EML4: variants seen among roughly 807,000 people sequenced by gnomAD.
The protein encoded by EML4 is echinoderm microtubule-associated protein-like 4.
EML4 carries 72 observed loss-of-function variants against 129.0 expected under a neutral mutation model. The observed-to-expected ratio is 0.56, with a 90% CI of 0.46 to 0.68. EML4 has a LOEUF of 0.68. Ranked by LOEUF, EML4 falls within the 30% of genes least tolerant of loss-of-function variation. EML4 has a pLI of 0.00. For synonymous variants in EML4, 532 were observed against 405.0 expected, an observed-to-expected ratio of 1.31 and a Z score of -3.77; for missense variants, 1,363 against 1,190.6, an observed-to-expected ratio of 1.14 and a Z score of -2.13.
intron 17 of EML4, among the ~76,000 whole-genome samples, chr2:42,310,842 G>A (rs1668899740): frequency 6.6e-6 from 1 of 152,150 alleles, no homozygotes; most frequent in African/African-American, 2.4e-5. Context: ...AGGATTTGTT[G>A]TTAGAGATAG....
At chr2:42,272,089 A>C (rs1054767801) in intron 6 of EML4, among the ~76,000 whole-genome samples, 40 of 152,186 alleles carry the variant, frequency 2.6e-4, no homozygotes, top group African/African-American at 9.4e-4. Flanking sequence ...AAAAAAAAAA[A>C]AAAAAAACCC....
intron 3 of EML4, among the ~76,000 whole-genome samples, chr2:42,257,458 A>G (rs1285862623): frequency 1.3e-5 from 2 of 151,224 alleles, no homozygotes; most frequent in East Asian, 1.9e-4. Flanking sequence ...CGAATTATTC[A>G]TTGGTGTGGA....
At chr2:42,191,601 G>A (rs1671584019) in intron 1 of EML4, among the ~76,000 whole-genome samples, 1 of 152,124 alleles carries the variant, frequency 6.6e-6, no homozygotes, top group Non-Finnish European at 1.5e-5. Flanking sequence ...GGCCACCTGG[G>A]GGAATTATGA....
intron 1 of EML4, among the ~76,000 whole-genome samples, chr2:42,227,503 C>T (rs1674047086): frequency 6.8e-6 from 1 of 147,160 alleles, no homozygotes; most frequent in Non-Finnish European, 1.5e-5. Context: ...AACCACCCCT[C>T]TTCCACAAAG....
At chr2:42,228,765 T>TTTTA (rs1463663606) in intron 1 of EML4, among the ~76,000 whole-genome samples, 1 of 152,200 alleles carries the variant, frequency 6.6e-6, no homozygotes, top group African/African-American at 2.4e-5. Flanking sequence ...TTGTACTTTA[T>TTTTA]TTTATTTATT....
At chr2:42,259,083 C>T (rs1665542600) in intron 3 of EML4, among the ~76,000 whole-genome samples, 1 of 152,012 alleles carries the variant, frequency 6.6e-6, no homozygotes, top group South Asian at 2.1e-4. Context: ...CCCATCTCTG[C>T]TAAAAATGTA....
Position 42,330,043 on chromosome 2 carries a change from G to A in EML4, c.2782G>A (p.Glu928Lys). 2 of 1,613,492 alleles carry A rather than the reference G, an allele frequency of 1.2e-6. No individual in the cohort carries two copies. The highest frequency in any genetic ancestry group is 8.5e-7 in the Non-Finnish European group (1 of 1,179,942). Residue 928 changes from glutamate (E) to lysine (K), a missense_variant, in exon 23 of 23, where the codon GAA (glutamate) becomes AAA (lysine). By Grantham distance (56) the Glu-to-Lys change is moderately conservative. Transcript: ENST00000318522. The part of the protein sequence containing the change: ...SSPTLLENSL[E>K]QTVEPSEDHS... ...TCCCACACTTCTGGAGAACAGCCTG[G>A]AACAAACTGTGGAGCCAAGTGAAGA... is the stretch of plus-strand genomic sequence containing the variant.
intron 3 of EML4, among the ~76,000 whole-genome samples, chr2:42,257,400 C>G (rs1676222601): frequency 1.3e-5 from 2 of 152,150 alleles, no homozygotes; most frequent in African/African-American, 2.4e-5. Flanking sequence ...TCATGTGTAA[C>G]AATGTACTGA....
intron 17 of EML4, among the ~76,000 whole-genome samples, chr2:42,307,898 C>T (rs1451258755): frequency 6.6e-6 from 1 of 152,198 alleles, no homozygotes; most frequent in African/African-American, 2.4e-5. Flanking sequence ...CAAGTGATCA[C>T]CTTGCCTGGG....
At chr2:42,174,413 C>T (rs1215614617) in intron 1 of EML4, among the ~76,000 whole-genome samples, 1 of 152,048 alleles carries the variant, frequency 6.6e-6, no homozygotes, top group Non-Finnish European at 1.5e-5. Context: ...GCCTCAGCCT[C>T]CTGAGTAGCT....
intron 19 of EML4, among the ~76,000 whole-genome samples, chr2:42,318,742 T>G (rs1669372081): frequency 6.6e-6 from 1 of 152,110 alleles, no homozygotes; most frequent in Non-Finnish European, 1.5e-5. Flanking sequence ...TGTTTTCACT[T>G]TTGAGACAGG....
chr2:42,310,189 G>GTA (rs1668854489), intron 17 of EML4, among the ~76,000 whole-genome samples: 2 of 152,130 alleles, frequency 1.3e-5, no homozygotes, highest in African/African-American at 2.4e-5. Flanking sequence ...CCATAAATAT[G>GTA]TATATATATC....
In EML4 at chr2:42,264,693, ATTTCT is replaced by A. The variant is rs764547383; in HGVS notation, c.642-7_642-3del. The A allele has an allele frequency of 6.5e-6, 9 of 1,381,738 alleles. No individual in the cohort carries two copies. Among genetic ancestry groups the A allele is most frequent in the South Asian group, 2.4e-5 (2 of 81,754 alleles). 85.6% of individuals were successfully genotyped at this position (1,381,738 alleles called of 1,614,324 possible). ...CTTATAAAATAAATGTGTTTCTTAAATTTCTTTTCTAGGCATAAAGATGTCATCAT... is the reference window on the plus strand; with the variant it reads ...CTTATAAAATAAATGTGTTTCTTAAATTTCTAGGCATAAAGATGTCATCAT... On this transcript the variant is annotated splice_region_variant and splice_polypyrimidine_tract_variant and intron_variant, in intron 5 of 22. Coordinates refer to ENST00000318522, the MANE Select transcript of EML4 (RefSeq NM_019063.5).
At chr2:42,259,372 C>T (rs997657313) in intron 3 of EML4, among the ~76,000 whole-genome samples, 7 of 152,010 alleles carry the variant, frequency 4.6e-5, no homozygotes, top group Admixed American at 2.0e-4. Context: ...AGAGTGTTTT[C>T]AGTATAAGTA....
At chr2:42,289,556 T>G (rs1025040738) in intron 11 of EML4, 1 of 152,178 alleles carries the variant, frequency 6.6e-6, no homozygotes, top group Non-Finnish European at 1.5e-5. Context: ...TTCAAATCTG[T>G]ACATAATCAT....
chr2:42,295,150 T>C lies in EML4; in HGVS notation c.1244T>C (p.Val415Ala), dbSNP rs758963694. 13 of 1,612,524 alleles carry C rather than the reference T, an allele frequency of 8.1e-6. No individual in the cohort carries two copies. The highest frequency in any genetic ancestry group is 9.3e-6 in the Non-Finnish European group (11 of 1,179,592). The change falls in exon 12 of 23, where the codon GTG becomes GCG. Residue 415 changes from valine (V) to alanine (A), a missense_variant. By Grantham distance (64) the Val-to-Ala change is moderately conservative (BLOSUM62 0). Coordinates refer to ENST00000318522, the MANE Select transcript of EML4 (RefSeq NM_019063.5). ...IKTTNEVVLAVEFHPTDANTI... is the reference protein window; with the variant it reads ...IKTTNEVVLAAEFHPTDANTI... ...ACAACAAATGAAGTTGTTTTGGCTG[T>C]GGAGTTTCACCCAACAGATGCAAAT...
At chr2:42,271,686 C>G (rs1319618354) in intron 6 of EML4, among the ~76,000 whole-genome samples, 2 of 151,962 alleles carry the variant, frequency 1.3e-5, no homozygotes, top group African/African-American at 4.8e-5. Context: ...ATTCAAATTA[C>G]GCGTATTTTT....
intron 6 of EML4, among the ~76,000 whole-genome samples, chr2:42,271,646 A>G (rs1455934612): frequency 3.3e-5 from 5 of 152,164 alleles, no homozygotes; most frequent in African/African-American, 7.2e-5. Flanking sequence ...TTCTAATCTT[A>G]TACGTATTTA....
At chr2:42,236,782 T>C (rs1015356483) in intron 1 of EML4, among the ~76,000 whole-genome samples, 5 of 152,188 alleles carry the variant, frequency 3.3e-5, no homozygotes, top group African/African-American at 1.2e-4. Flanking sequence ...ACCAGTGATG[T>C]TGGAGAGCTT....
Sources: allele counts gnomAD v4.1 joint callset (sites outside exome capture counted in the v4.1 genomes callset), GRCh38; gene constraint gnomAD v4.1.1; transcripts MANE v1.5; gene names NCBI Gene and HGNC (gene_info 2026-07-23, HGNC 2026-07-21).